The following ITPR2 variants were observed in gnomAD, a reference collection of about 807,000 sequenced individuals.
ITPR2 encodes inositol 1,4,5-trisphosphate-gated calcium channel ITPR2.
In ITPR2, 207 loss-of-function variants were observed where a neutral mutation model predicts 317.1. That is an observed-to-expected ratio of 0.65 (90% CI 0.58 to 0.73). The LOEUF (loss-of-function observed/expected upper bound fraction) is 0.73. Ranked by LOEUF, ITPR2 falls within the 30% of genes least tolerant of loss-of-function variation. The pLI is 0.00. For synonymous variants in ITPR2, 1,156 were observed against 1,149.1 expected, an observed-to-expected ratio of 1.01 and a Z score of -0.12; for missense variants, 2,613 against 3,284.0, an observed-to-expected ratio of 0.80 and a Z score of 4.99.
At chr12:26,688,687 C>T (rs1456780568) in intron 10 of ITPR2, among the ~76,000 whole-genome samples, 2 of 152,266 alleles carry the variant, frequency 1.3e-5, no homozygotes, top group East Asian at 1.9e-4. Flanking sequence ...TCCAAGCCAA[C>T]CCAAGCCAGA....
intron 2 of ITPR2, among the ~76,000 whole-genome samples, chr12:26,758,910 T>G (rs1949580260): frequency 6.6e-6 from 1 of 152,252 alleles, no homozygotes; most frequent in Non-Finnish European, 1.5e-5. Context: ...CAACAGGTTA[T>G]TGATCCTCTA....
At chr12:26,797,928 G>C (rs558056516) in intron 1 of ITPR2, among the ~76,000 whole-genome samples, 1 of 152,012 alleles carries the variant, frequency 6.6e-6, no homozygotes, top group South Asian at 2.1e-4. Context: ...CTGACCTCTG[G>C]TGATCCGCCC....
chr12:26,464,858 C>T (rs1053435585), intron 45 of ITPR2, among the ~76,000 whole-genome samples: 5 of 152,136 alleles, frequency 3.3e-5, no homozygotes, highest in African/African-American at 1.2e-4. Flanking sequence ...GGAGCTGAGG[C>T]TATGGAGTCT....
intron 55 of ITPR2, among the ~76,000 whole-genome samples, chr12:26,379,963 G>C (rs551544995): frequency 6.6e-6 from 1 of 152,116 alleles, no homozygotes; most frequent in African/African-American, 2.4e-5. Flanking sequence ...CCAATCACCC[G>C]AACACTAGCA....
At chr12:26,772,390 ATTATATATATATAATATACACAT>A (rs1949859647) in intron 2 of ITPR2, among the ~76,000 whole-genome samples, 1 of 133,262 alleles carries the variant, frequency 7.5e-6, no homozygotes, top group Non-Finnish European at 1.6e-5. Context: ...CTTGTGTTAT[ATTATATATATATAATATACACAT>A]TTATATATAT....
rs188660054 is a variant in ITPR2 at position 26,636,340 on chromosome 12, G to A, written c.2741-4281C>T. On this transcript the variant is annotated intron_variant, in intron 21 of 56. Transcript: ENST00000381340. The stretch of plus-strand genomic sequence containing the variant: ...CATATCATATCATATATTTGTCTGT[G>A]TGTTTATTGCAGTCCCCCTCTCCAA... Among the ~76,000 whole-genome samples, 242 of 152,216 alleles carry A rather than the reference G, an allele frequency of 1.6e-3. 1 individual carries two copies. The highest frequency in any genetic ancestry group is 5.5e-3 in the African/African-American group (227 of 41,534).
At chr12:26,461,627 AATATAT>A (rs754482854) in intron 45 of ITPR2, among the ~76,000 whole-genome samples, 3,357 of 47,682 alleles carry the variant, frequency 0.07, 49 homozygotes, top group African/African-American at 0.14. Context: ...AAAGCATATA[AATATAT>A]ATATATATAT....
At chr12:26,485,598 G>C (rs576992029) in intron 41 of ITPR2, among the ~76,000 whole-genome samples, 48 of 152,178 alleles carry the variant, frequency 3.2e-4, no homozygotes, top group Non-Finnish European at 5.9e-4. Flanking sequence ...ATATGACACT[G>C]ACTACATTCA....
chr12:26,400,084 A>G (rs1382621687), intron 53 of ITPR2, 44 bp downstream of exon 53: 1 of 1,564,530 alleles, frequency 6.4e-7, no homozygotes. Flanking sequence ...AAAGGTTTAA[A>G]AAAAAGATGT....
intron 37 of ITPR2, among the ~76,000 whole-genome samples, chr12:26,538,797 G>A (rs923303658): frequency 3.9e-5 from 6 of 151,976 alleles, no homozygotes; most frequent in Non-Finnish European, 5.9e-5. Context: ...GGCTGGTCTC[G>A]AACTCCTGAC....
chr12:26,402,625 C>A (rs3782291), intron 52 of ITPR2, among the ~76,000 whole-genome samples: 1 of 152,076 alleles, frequency 6.6e-6, no homozygotes, highest in African/African-American at 2.4e-5. Context: ...AGGAGAACAC[C>A]CTGGTCAGGT....
At chr12:26,604,561 T>C (rs1946079710) in intron 26 of ITPR2, among the ~76,000 whole-genome samples, 1 of 152,190 alleles carries the variant, frequency 6.6e-6, no homozygotes, top group Non-Finnish European at 1.5e-5. Context: ...TGTTAGCTTC[T>C]ACCTTGCTGA....
intron 21 of ITPR2, among the ~76,000 whole-genome samples, chr12:26,638,212 A>G (rs1243488906): frequency 2.0e-5 from 3 of 152,228 alleles, no homozygotes; most frequent in Admixed American, 6.5e-5. Flanking sequence ...AGTCATTTCA[A>G]TATTCCAAAT....
chr12:26,609,147 AC>A (rs1946205911), intron 26 of ITPR2, among the ~76,000 whole-genome samples: 1 of 152,214 alleles, frequency 6.6e-6, no homozygotes, highest in African/African-American at 2.4e-5. Context: ...TTTTACACTC[AC>A]TTGTTCCCCA....
At chr12:26,722,612 C>G in intron 4 of ITPR2, 57 bp from the exon 5 acceptor site, 1 of 1,299,166 alleles carries the variant, frequency 7.7e-7, no homozygotes, top group Non-Finnish European at 1.1e-6. Flanking sequence ...CTGTTAATTA[C>G]ATTCATATGT....
intron 37 of ITPR2, among the ~76,000 whole-genome samples, chr12:26,533,226 C>T (rs1320743279): frequency 6.6e-6 from 1 of 152,128 alleles, no homozygotes; most frequent in Non-Finnish European, 1.5e-5. Flanking sequence ...GCTAAAAAAC[C>T]TATGTATCTG....
intron 37 of ITPR2, among the ~76,000 whole-genome samples, chr12:26,501,955 G>T (rs547043002): frequency 1.3e-5 from 2 of 152,252 alleles, no homozygotes; most frequent in African/African-American, 4.8e-5. Context: ...AAATGATGAG[G>T]TTTAAATATT....
chr12:26,491,212 G>A (rs980497446), intron 39 of ITPR2, among the ~76,000 whole-genome samples: 6 of 151,898 alleles, frequency 4.0e-5, no homozygotes, highest in African/African-American at 4.8e-5. Flanking sequence ...GGCTGGGTGT[G>A]GTGGCTCACA....
chr12:26,486,876 T>A, intron 40 of ITPR2, 192 bp downstream of exon 40: 2 of 696,664 alleles, frequency 2.9e-6, no homozygotes, highest in Non-Finnish European at 5.3e-6. Context: ...GCACTGATTA[T>A]GTCTCATTTA....
Sources: allele counts gnomAD v4.1 joint callset (sites outside exome capture counted in the v4.1 genomes callset), GRCh38; gene constraint gnomAD v4.1.1; transcripts MANE v1.5; gene names NCBI Gene and HGNC (gene_info 2026-07-23, HGNC 2026-07-21).